Variants in RFX4 observed in about 807,000 individuals in gnomAD.
RFX4 encodes regulatory factor X4, also known as transcription factor RFX4.
Under a neutral mutation model 95.0 loss-of-function variants are expected in RFX4, and 10 were observed. The observed-to-expected ratio is 0.11, with a 90% CI of 0.06 to 0.18. The LOEUF is 0.18. RFX4 is among the 10% of genes least tolerant of loss of function. The pLI, the probability that RFX4 is intolerant of heterozygous loss-of-function variation, is 1.00. For missense variants in RFX4, 640 were observed against 922.0 expected, an observed-to-expected ratio of 0.69 and a Z score of 3.96; for synonymous variants, 321 against 340.7, an observed-to-expected ratio of 0.94 and a Z score of 0.64.
At chr12:106,759,928 C>T (rs778143534) in intron 17 of RFX4, among the ~76,000 whole-genome samples, 2 of 152,128 alleles carry the variant, frequency 1.3e-5, no homozygotes, top group African/African-American at 2.4e-5. Flanking sequence ...CCGGCCTAAG[C>T]GCCTTCCCCA....
chr12:106,681,855 G>A (rs377037637), intron 4 of RFX4, 138 bp from the exon 5 acceptor site: 5 of 782,306 alleles, frequency 6.4e-6, no homozygotes, highest in East Asian at 2.5e-5. Context: ...CTTCTCCAGG[G>A]TCCTCACAGA....
chr12:106,662,178 C>T, intron 4 of RFX4: 2 of 414,714 alleles, frequency 4.8e-6, no homozygotes, highest in Non-Finnish European at 4.8e-6. Flanking sequence ...TGCATTCCCA[C>T]AGCAATAAAT....
At chr12:106,665,021 T>C (rs2041147134) in intron 4 of RFX4, among the ~76,000 whole-genome samples, 1 of 151,928 alleles carries the variant, frequency 6.6e-6, no homozygotes, top group Non-Finnish European at 1.5e-5. Context: ...GTCAATTATA[T>C]TTAATTGATT....
At chr12:106,755,697 GC>G (rs2043096206) in intron 17 of RFX4, among the ~76,000 whole-genome samples, 1 of 152,136 alleles carries the variant, frequency 6.6e-6, no homozygotes, top group Non-Finnish European at 1.5e-5. Flanking sequence ...CCACTGCAGG[GC>G]TAATTAGTTT....
In RFX4 at chr12:106,687,105, C is replaced by T. The variant is rs1218156871; in HGVS notation, c.591+8C>T. 1.9e-6 allele frequency: 3 copies of T among 1,610,440 alleles called. No individual in the cohort carries two copies. Among genetic ancestry groups the T allele is most frequent in the Non-Finnish European group, 2.5e-6 (3 of 1,178,124 alleles). ...AGCCTGCCTGAGGAGAAGGTAACTACAACTGAAGTGACTATTTGGGGTGGG... is the reference window on the plus strand; with the variant it reads ...AGCCTGCCTGAGGAGAAGGTAACTATAACTGAAGTGACTATTTGGGGTGGG... On this transcript the variant is annotated splice_region_variant and intron_variant, in intron 6 of 17. Transcript: ENST00000392842.
Position 106,720,832 on chromosome 12 carries a change from C to A in RFX4, c.1307C>A (p.Thr436Lys). The A allele has an allele frequency of 6.2e-7, 1 of 1,613,426 alleles. No individual in the cohort carries two copies. Among genetic ancestry groups the A allele is most frequent in the Non-Finnish European group, 8.5e-7 (1 of 1,180,030 alleles). Residue 436 changes from threonine (T) to lysine (K), a missense_variant, in exon 13 of 18, where the codon ACA (threonine) becomes AAA (lysine). Physicochemically the swap from Thr to Lys is moderately conservative, Grantham distance 78 (BLOSUM62 -1). Around this residue, in one of 7 missense-constraint regions of RFX4, gnomAD observed 20 missense variants for 52.3 expected, o/e 0.38. Coordinates refer to ENST00000392842, the MANE Select transcript of RFX4 (RefSeq NM_213594.3). This position sits in a 1 kb window ranked among gnomAD's most constrained non-coding sequence, Gnocchi z 4.2. Reference sequence around the variant, plus strand: ...CTCTTGATGTGGTCCTGTTTCGGCACAAGGGTGATCCGGGACATGACCTTG... The same window carrying A: ...CTCTTGATGTGGTCCTGTTTCGGCAAAAGGGTGATCCGGGACATGACCTTG... ...QFLLMWSCFG[T>K]RVIRDMTLHS...
At chr12:106,601,283 A>G in intron 1 of RFX4, 1 of 1,592,026 alleles carries the variant, frequency 6.3e-7, no homozygotes, top group East Asian at 2.3e-5. Context: ...CAGAATGATC[A>G]AAAGGAGAGC....
At position 106,761,365 on chromosome 12, in the gene RFX4, T is replaced by C. The variant is rs369181976; in HGVS notation, c.2104T>C (p.Tyr702His). Residue 702 changes from tyrosine (Y) to histidine (H), a missense_variant, in exon 18 of 18, where the codon TAT becomes CAT. By Grantham distance (83) the Tyr-to-His change is moderately conservative. Coordinates refer to ENST00000392842, the MANE Select transcript of RFX4 (RefSeq NM_213594.3). ...GAGGTACGGAAACTCTAGTGACATG[T>C]ATACACCTCTGACAACGCGCAGGAA... The part of the protein sequence containing the change: ...SARYGNSSDM[Y>H]TPLTTRRNSE... The C allele has an allele frequency of 1.1e-5, 18 of 1,614,160 alleles. No individual in the cohort carries two copies. Among genetic ancestry groups the C allele is most frequent in the Non-Finnish European group, 1.4e-5 (17 of 1,180,022 alleles).
intron 11 of RFX4, among the ~76,000 whole-genome samples, chr12:106,717,321 G>A (rs965849008): frequency 2.6e-5 from 4 of 152,158 alleles, no homozygotes; most frequent in Admixed American, 6.5e-5. Flanking sequence ...TTCTCTTCCC[G>A]CCTCAGCTCC....
At chr12:106,741,808 G>T (rs1357641878) in intron 15 of RFX4, among the ~76,000 whole-genome samples, 1 of 152,166 alleles carries the variant, frequency 6.6e-6, no homozygotes, top group Non-Finnish European at 1.5e-5. Flanking sequence ...GGAAGAGGTG[G>T]GGGGGATGGT....
chr12:106,686,424 A>AG (rs1280550197), intron 5 of RFX4, among the ~76,000 whole-genome samples: 12 of 151,966 alleles, frequency 7.9e-5, no homozygotes, highest in Non-Finnish European at 1.6e-4. Flanking sequence ...AAAAAAAAAA[A>AG]AAGAAAAAGA....
At chr12:106,749,082 T>A (rs1365261257) in intron 16 of RFX4, among the ~76,000 whole-genome samples, 3 of 108,318 alleles carry the variant, frequency 2.8e-5, no homozygotes, top group Admixed American at 9.9e-5. Flanking sequence ...AGACTTCATC[T>A]CAAAAAAAAA....
chr12:106,733,855 A>T (rs906778869), intron 15 of RFX4, among the ~76,000 whole-genome samples: 1 of 152,268 alleles, frequency 6.6e-6, no homozygotes, highest in Admixed American at 6.5e-5. Context: ...GCAGAGATCC[A>T]AACAGATGTT....
At chr12:106,607,294 A>T (rs1001076212) in intron 1 of RFX4, among the ~76,000 whole-genome samples, 1 of 152,204 alleles carries the variant, frequency 6.6e-6, no homozygotes, top group Non-Finnish European at 1.5e-5. Context: ...TCAATGACAC[A>T]TAATAAAAGA....
chr12:106,697,119 G>A (rs1386645275), intron 8 of RFX4, among the ~76,000 whole-genome samples: 1 of 152,126 alleles, frequency 6.6e-6, no homozygotes, highest in East Asian at 1.9e-4. Context: ...TCCCTTCCAA[G>A]CAACTTTCCA....
chr12:106,714,014 G>A (rs2042237593), intron 10 of RFX4, among the ~76,000 whole-genome samples: 2 of 135,602 alleles, frequency 1.5e-5, no homozygotes, highest in African/African-American at 2.8e-5. Context: ...AGGTTACAGT[G>A]AGCCAAGATC....
chr12:106,684,642 T>C lies in RFX4; in HGVS notation c.378-2242T>C, dbSNP rs1029415030. The C allele has an allele frequency of 4.2e-5, 58 of 1,390,016 alleles. No homozygotes were observed. In the East Asian group the frequency reaches 1.3e-3, roughly 32 times the overall value. 86.1% of individuals were successfully genotyped at this position (1,390,016 alleles called of 1,614,324 possible). On this transcript the variant is annotated intron_variant, in intron 5 of 17. Transcript: ENST00000392842. ...AACTTTTTAAGGTTACGGTGGTGTG[T>C]CATAACTGTCATCCCACCTGAAGCC...
At chr12:106,624,070 G>A (rs569350742) in intron 2 of RFX4, among the ~76,000 whole-genome samples, 1 of 152,238 alleles carries the variant, frequency 6.6e-6, no homozygotes, top group East Asian at 1.9e-4. Flanking sequence ...TGGAACAAGG[G>A]GAGGTGCCAG....
intron 1 of RFX4, among the ~76,000 whole-genome samples, chr12:106,604,260 A>G (rs2039777284): frequency 6.6e-6 from 1 of 151,376 alleles, no homozygotes; most frequent in Admixed American, 6.6e-5. Flanking sequence ...AGCTGGGATT[A>G]CAGGCGTGTG....
Sources: allele counts gnomAD v4.1 joint callset (sites outside exome capture counted in the v4.1 genomes callset), GRCh38; gene constraint gnomAD v4.1.1; regional missense constraint gnomAD v4.1.1; non-coding constraint Gnocchi (gnomAD v3.1); transcripts MANE v1.5; gene names NCBI Gene and HGNC (gene_info 2026-07-23, HGNC 2026-07-21).